The following CAPN3 variants were observed in gnomAD, a reference collection of about 807,000 sequenced individuals.
The protein encoded by CAPN3 is calpain-3.
CAPN3 carries 88 observed loss-of-function variants against 114.0 expected under a neutral mutation model. That is an observed-to-expected ratio of 0.77 (90% CI 0.65 to 0.92). The LOEUF (loss-of-function observed/expected upper bound fraction) is 0.92. Among genes scored for constraint, CAPN3 ranks in the 40% least tolerant of loss-of-function variants. CAPN3 has a pLI of 0.00. For missense variants in CAPN3, 1,028 were observed against 1,069.0 expected (o/e 0.96, Z 0.53); for synonymous variants, 386 against 382.9 (o/e 1.01, Z -0.09).
At chr15:42,406,801 C>A (rs1238481516) in intron 15 of CAPN3, among the ~76,000 whole-genome samples, 3 of 152,130 alleles carry the variant, frequency 2.0e-5, no homozygotes, top group Admixed American at 2.0e-4. Flanking sequence ...CCTACACATC[C>A]CCCCTCAGAC....
chr15:42,391,173 T>G lies in CAPN3; in HGVS notation c.945+1077T>G, dbSNP rs146769819. On this transcript the variant is annotated intron_variant, in intron 6 of 23. Transcript: ENST00000397163. Reference sequence around the variant, plus strand: ...TACACAATATTCAAACACACAGATATGTTATAATTTATTTACCCAATACCC... The same window carrying G: ...TACACAATATTCAAACACACAGATAGGTTATAATTTATTTACCCAATACCC... Among the ~76,000 whole-genome samples the G allele has an allele frequency of 5.9e-5, 9 of 152,272 alleles. No homozygotes were observed. The East Asian group carries it at 1.3e-3, about 23-fold the overall frequency.
chr15:42,403,710 C>G (rs200192066), intron 13 of CAPN3, 31 bp from the exon 14 acceptor site: 3 of 1,609,974 alleles, frequency 1.9e-6, no homozygotes, highest in East Asian at 2.2e-5. Context: ...TCTGGTGACA[C>G]TGAGACCCCA....
At chr15:42,379,209 G>C (rs2053173046) in intron 1 of CAPN3, among the ~76,000 whole-genome samples, 1 of 152,102 alleles carries the variant, frequency 6.6e-6, no homozygotes, top group Non-Finnish European at 1.5e-5. Flanking sequence ...CTACTCAGGA[G>C]GCTGAGGCAG....
chr15:42,395,578 G>A (rs911026550), intron 8 of CAPN3, among the ~76,000 whole-genome samples: 5 of 152,152 alleles, frequency 3.3e-5, no homozygotes, highest in African/African-American at 1.2e-4. Flanking sequence ...TGTGCTCTGG[G>A]AAGGCCCTCA....
At chr15:42,409,116 T>C (rs960117240) in intron 16 of CAPN3, 187 bp from the exon 17 acceptor site, 14 of 640,320 alleles carry the variant, frequency 2.2e-5, no homozygotes, top group Non-Finnish European at 4.0e-5. Context: ...GCTGGAGAGG[T>C]GTGAAGAGTC....
chr15:42,408,132 C>T (rs1051368888), intron 15 of CAPN3, 79 bp from the exon 16 acceptor site: 12 of 930,686 alleles, frequency 1.3e-5, no homozygotes, highest in African/African-American at 9.7e-5. Context: ...TAAAGCTGCT[C>T]CAAGAGAGGT....
At chr15:42,398,670 C>A (rs113553910) in intron 9 of CAPN3, among the ~76,000 whole-genome samples, 1 of 141,328 alleles carries the variant, frequency 7.1e-6, no homozygotes, top group Non-Finnish European at 1.5e-5. Context: ...CACACATATA[C>A]ACACACACAC....
intron 1 of CAPN3, among the ~76,000 whole-genome samples, chr15:42,361,095 G>T (rs886506008): frequency 1.3e-5 from 2 of 152,136 alleles, no homozygotes; most frequent in African/African-American, 2.4e-5. Context: ...AGCTAACCTG[G>T]TCCAGGGAGA....
Position 42,402,780 on chromosome 15 carries a change from TC to T in CAPN3, c.1537-10del. On this transcript the variant is annotated splice_polypyrimidine_tract_variant and intron_variant, in intron 12 of 23. Coordinates refer to ENST00000397163, the MANE Select transcript of CAPN3 (RefSeq NM_000070.3). ...CGAGGGGCTCATGTGCCCTGGGCTC[TC>T]CCCATCTCTCAGATGCACGGGAACA... 6.2e-7 allele frequency: 1 copy of T among 1,613,610 alleles called. No individual in the cohort carries two copies. The highest frequency in any genetic ancestry group is 8.5e-7 in the Non-Finnish European group (1 of 1,179,514).
chr15:42,411,903 C>T lies in CAPN3; in HGVS notation c.*130C>T. ...ACAGGCTTCCAGGCACCTCATCAGT[C>T]ATGCTCCTCCTCCATTTTACCCCCT... is the stretch of plus-strand genomic sequence containing the variant. On this transcript the variant is annotated 3_prime_UTR_variant, in exon 24 of 24. Transcript: ENST00000397163. The T allele has an allele frequency of 6.3e-7, 1 of 1,576,116 alleles. No homozygotes were observed. Among genetic ancestry groups the T allele is most frequent in the East Asian group, 2.3e-5 (1 of 43,148 alleles).
At chr15:42,398,194 G>A (rs1483139497) in intron 9 of CAPN3, among the ~76,000 whole-genome samples, 1 of 151,732 alleles carries the variant, frequency 6.6e-6, no homozygotes, top group African/African-American at 2.4e-5. Context: ...TATACAATGT[G>A]TAATGATCAA....
chr15:42,375,875 A>G (rs2053076871), intron 1 of CAPN3, among the ~76,000 whole-genome samples: 1 of 152,194 alleles, frequency 6.6e-6, no homozygotes, highest in Non-Finnish European at 1.5e-5. Context: ...TTCTGTTCCA[A>G]GATCCCACCC....
rs1311093300 is a variant in CAPN3 at position 42,411,330 on chromosome 15, G to T, written c.2424G>T (p.Lys808Asn). The T allele has an allele frequency of 2.5e-6, 4 of 1,613,962 alleles. No individual in the cohort carries two copies. The East Asian group carries it at 8.9e-5, about 36-fold the overall frequency. The change falls in exon 23 of 24, where the codon AAG (lysine) becomes AAT (asparagine). Residue 808 changes from lysine (K) to asparagine (N), a missense_variant. Coordinates refer to ENST00000397163, the MANE Select transcript of CAPN3 (RefSeq NM_000070.3). ...AFDKDGDGII[K>N]LNVLEWLQLT... ...ACAAGGATGGAGATGGTATCATCAA[G>T]CTCAACGTTCTGGAGGTAAAGCATA...
Position 42,384,362 on chromosome 15 carries a change from A to G in CAPN3, c.310-121A>G. On this transcript the variant is annotated intron_variant, in intron 1 of 23. Transcript: ENST00000397163. ...CGGAGGCAGAGGTTTCAGTGAGCCA[A>G]GATTGCACCAGTGCACTGCAGCCTG... The G allele has an allele frequency of 4.0e-6, 3 of 756,590 alleles. No individual in the cohort carries two copies. In the South Asian group the frequency reaches 4.2e-5, roughly 11 times the overall value. The allele number at this position is 756,590 out of a possible 1,614,324, so 46.9% of individuals were successfully genotyped here. A position where few individuals can be genotyped will look rare whatever the true frequency, so the allele number is the denominator to read the frequency against.
intron 12 of CAPN3, 146 bp from the exon 13 acceptor site, chr15:42,402,648 T>C: frequency 6.5e-7 from 1 of 1,540,178 alleles, no homozygotes; most frequent in Non-Finnish European, 8.7e-7. Flanking sequence ...GGGAGGCTAT[T>C]TAAGCCTTGG....
intron 10 of CAPN3, among the ~76,000 whole-genome samples, chr15:42,401,420 G>T (rs2053857671): frequency 6.7e-6 from 1 of 149,094 alleles, no homozygotes; most frequent in South Asian, 2.1e-4. Flanking sequence ...AGCCCAGAGA[G>T]GAAGGAAAAG....
At chr15:42,396,317 A>G (rs2053688599) in intron 8 of CAPN3, among the ~76,000 whole-genome samples, 1 of 145,728 alleles carries the variant, frequency 6.9e-6, no homozygotes, top group East Asian at 2.0e-4. Flanking sequence ...ATCTTGGCTC[A>G]CTGCAACCTC....
chr15:42,399,118 A>T (rs1353034645), intron 9 of CAPN3, among the ~76,000 whole-genome samples: 1 of 151,924 alleles, frequency 6.6e-6, no homozygotes, highest in Non-Finnish European at 1.5e-5. Context: ...ATCTAACTGT[A>T]TTTTTGTATC....
In CAPN3 at chr15:42,410,909, T is replaced by G; in HGVS notation, c.2289T>G (p.Tyr763Ter). ...GATTCCACCTCAACAACCAGCTCTA[T>G]GACATCATTACCATGCGGTACGCAG... The part of the protein sequence containing the change: ...DAGFHLNNQL[Y>*]DIITMRYADK... Residue 763 changes from tyrosine (Y) to a stop codon, truncating the protein, a stop_gained, in exon 22 of 24, where the codon TAT becomes TAG. Transcript: ENST00000397163. LOFTEE classifies it high-confidence loss of function. 1 of 1,614,036 alleles carries G rather than the reference T, an allele frequency of 6.2e-7. No individual in the cohort carries two copies. The highest frequency in any genetic ancestry group is 8.5e-7 in the Non-Finnish European group (1 of 1,179,846).
Sources: allele counts gnomAD v4.1 joint callset (sites outside exome capture counted in the v4.1 genomes callset), GRCh38; gene constraint gnomAD v4.1.1; transcripts MANE v1.5; gene names NCBI Gene and HGNC (gene_info 2026-07-23, HGNC 2026-07-21).